NRXN3: variants seen among roughly 807,000 people sequenced by gnomAD.
NRXN3 encodes the protein neurexin 3.
NRXN3 carries 32 observed loss-of-function variants against 137.6 expected under a neutral mutation model. That is an observed-to-expected ratio of 0.23 (90% CI 0.18 to 0.31). The LOEUF (loss-of-function observed/expected upper bound fraction) is 0.31, where lower values mean the gene tolerates loss of function less well. Among genes scored for constraint, NRXN3 ranks in the 10% least tolerant of loss-of-function variants. NRXN3 has a pLI of 1.00. For synonymous variants in NRXN3, 798 were observed against 784.5 expected (o/e 1.02, Z -0.29); for missense variants, 1,574 against 2,062.5 (o/e 0.76, Z 4.59).
At chr14:79,037,816 C>A (rs950574246) in intron 15 of NRXN3, among the ~76,000 whole-genome samples, 1 of 152,050 alleles carries the variant, frequency 6.6e-6, no homozygotes, top group Non-Finnish European at 1.5e-5. Context: ...TCATATATCA[C>A]CCTCTGTGTC....
chr14:78,367,282 C>A lies in NRXN3; in HGVS notation c.757+69422C>A, dbSNP rs2086108063. The stretch of plus-strand genomic sequence containing the variant: ...TTAGTCTGTGGTTGTCTAAAACTTG[C>A]ACTGGGCTGTGGGACTAGGTATGAA... On this transcript the variant is annotated intron_variant, in intron 4 of 20. Transcript: ENST00000335750. Among the ~76,000 whole-genome samples the A allele has an allele frequency of 7.2e-5, 11 of 152,036 alleles. No homozygotes were observed. The South Asian group carries it at 2.3e-3, about 32-fold the overall frequency.
At chr14:78,347,392 G>C (rs10130577) in intron 4 of NRXN3, among the ~76,000 whole-genome samples, 64,213 of 152,022 alleles carry the variant, frequency 0.42, 13,709 homozygotes, top group Middle Eastern at 0.54. Flanking sequence ...ACTGCCTGGG[G>C]CTAAGATGTG....
chr14:79,505,693 A>G (rs1601373848), intron 16 of NRXN3, among the ~76,000 whole-genome samples: 1 of 152,194 alleles, frequency 6.6e-6, no homozygotes, highest in Non-Finnish European at 1.5e-5. Flanking sequence ...TGGGTTGCAA[A>G]TGCTCTTTAT....
intron 10 of NRXN3, among the ~76,000 whole-genome samples, chr14:78,866,202 A>G (rs533531555): frequency 1.1e-3 from 174 of 152,316 alleles, no homozygotes; most frequent in South Asian, 2.1e-3. Flanking sequence ...AGAGAAGCAT[A>G]GCTCTAAAGG....
At position 79,800,816 on chromosome 14, in the gene NRXN3, G is replaced by C. The variant is rs186644052; in HGVS notation, c.4015-4296G>C. ...GCTAAAAGAAAGCCCTGGGTTTTCT[G>C]AAAGTATCTTTGAATCCAATTGCCA... On this transcript the variant is annotated intron_variant, in intron 19 of 20. Transcript: ENST00000335750. 1.2e-4 allele frequency among the ~76,000 whole-genome samples: 18 copies of C among 152,330 alleles called. No individual in the cohort carries two copies. The East Asian group carries it at 3.3e-3, about 28-fold the overall frequency.
intron 10 of NRXN3, among the ~76,000 whole-genome samples, chr14:78,838,918 G>A (rs779419723): frequency 2.0e-5 from 3 of 152,086 alleles, no homozygotes; most frequent in Non-Finnish European, 4.4e-5. Flanking sequence ...AAGCTCATAG[G>A]CATGCTGTGC....
At chr14:79,773,641 G>C (rs1056436782) in intron 19 of NRXN3, among the ~76,000 whole-genome samples, 1 of 107,404 alleles carries the variant, frequency 9.3e-6, no homozygotes, top group African/African-American at 3.5e-5. Flanking sequence ...GGTGGGGGGA[G>C]GGGGGAGGGA....
At chr14:78,176,620 T>C (rs1451725859) in intron 1 of NRXN3, among the ~76,000 whole-genome samples, 1 of 152,110 alleles carries the variant, frequency 6.6e-6, no homozygotes, top group Non-Finnish European at 1.5e-5. Flanking sequence ...CAAGTACAAA[T>C]GACAAGATGG....
At chr14:78,920,448 A>C (rs2099267924) in intron 10 of NRXN3, among the ~76,000 whole-genome samples, 1 of 152,214 alleles carries the variant, frequency 6.6e-6, no homozygotes, top group African/African-American at 2.4e-5. Context: ...TATTCAAACA[A>C]TGATTTATTC....
At chr14:79,014,339 T>G (rs981308785) in intron 15 of NRXN3, among the ~76,000 whole-genome samples, 9 of 152,212 alleles carry the variant, frequency 5.9e-5, no homozygotes, top group African/African-American at 2.2e-4. Flanking sequence ...CTCCCATTTT[T>G]TAAGTGAGAA....
chr14:78,506,664 TTTTTTTTTTAG>T (rs912585629), intron 4 of NRXN3, among the ~76,000 whole-genome samples: 1 of 140,214 alleles, frequency 7.1e-6, no homozygotes, highest in African/African-American at 2.8e-5. Context: ...TTTTTTTTTT[TTTTTTTTTTAG>T]GAGATGGGGG....
chr14:79,059,876 C>T (rs2099672013), intron 15 of NRXN3, among the ~76,000 whole-genome samples: 1 of 152,164 alleles, frequency 6.6e-6, no homozygotes, highest in African/African-American at 2.4e-5. Context: ...CTTCTGAATC[C>T]CATCTCTCGA....
chr14:79,840,165 T>G (rs1176337821), intron 20 of NRXN3, among the ~76,000 whole-genome samples: 1 of 152,132 alleles, frequency 6.6e-6, no homozygotes, highest in Non-Finnish European at 1.5e-5. Context: ...TCTTTTTACT[T>G]TCATGACTAA....
chr14:79,067,710 A>G (rs2099682551), intron 15 of NRXN3, among the ~76,000 whole-genome samples: 1 of 151,942 alleles, frequency 6.6e-6, no homozygotes, highest in Non-Finnish European at 1.5e-5. Context: ...GAAGGCAATC[A>G]TGTTGGATTT....
intron 10 of NRXN3, among the ~76,000 whole-genome samples, chr14:78,906,830 G>A (rs902377120): frequency 1.3e-5 from 2 of 151,948 alleles, no homozygotes; most frequent in Admixed American, 1.3e-4. Flanking sequence ...GAACAGAAGG[G>A]AAAGAAAAGG....
intron 16 of NRXN3, among the ~76,000 whole-genome samples, chr14:79,564,042 G>A (rs963416744): frequency 6.6e-6 from 1 of 151,984 alleles, no homozygotes; most frequent in African/African-American, 2.4e-5. Context: ...GTATGGTCAG[G>A]TGAGTCAGGC....
chr14:79,527,541 T>C (rs1007791333), intron 16 of NRXN3, among the ~76,000 whole-genome samples: 1 of 151,774 alleles, frequency 6.6e-6, no homozygotes, highest in South Asian at 2.1e-4. Context: ...AGAAAGGTAG[T>C]TTAAAATTTT....
At chr14:78,879,533 T>C (rs1343221619) in intron 10 of NRXN3, among the ~76,000 whole-genome samples, 2 of 152,366 alleles carry the variant, frequency 1.3e-5, no homozygotes, top group East Asian at 3.9e-4. Context: ...CTGTAGGAAA[T>C]GTCTATTTAG....
chr14:79,628,626 G>A (rs1189508500), intron 16 of NRXN3, among the ~76,000 whole-genome samples: 1 of 152,160 alleles, frequency 6.6e-6, no homozygotes, highest in Non-Finnish European at 1.5e-5. Flanking sequence ...TACCTTGGCA[G>A]AGCCAAGCCT....
Sources: allele counts gnomAD v4.1 joint callset (sites outside exome capture counted in the v4.1 genomes callset), GRCh38; gene constraint gnomAD v4.1.1; transcripts MANE v1.5; gene names NCBI Gene and HGNC (gene_info 2026-07-23, HGNC 2026-07-21).